PLEKHG1: variants seen among roughly 807,000 people sequenced by gnomAD.
PLEKHG1 encodes the protein pleckstrin homology and RhoGEF domain containing G1.
A neutral mutation model predicts 100.8 loss-of-function variants in PLEKHG1; 44 were observed. That is an observed-to-expected ratio of 0.44 (90% CI 0.34 to 0.56). PLEKHG1 has a LOEUF of 0.56. PLEKHG1 is among the 20% of genes least tolerant of loss of function. PLEKHG1 has a pLI of 0.01. For missense variants in PLEKHG1, 1,545 were observed against 1,720.9 expected, an observed-to-expected ratio of 0.90 and a Z score of 1.81; for synonymous variants, 640 against 662.5, an observed-to-expected ratio of 0.97 and a Z score of 0.52.
At chr6:150,837,511 T>C (rs1469834024) in intron 15 of PLEKHG1, among the ~76,000 whole-genome samples, 1 of 152,264 alleles carries the variant, frequency 6.6e-6, no homozygotes, top group African/African-American at 2.4e-5. Flanking sequence ...TGGTTAAATT[T>C]TGATACTGGA....
At chr6:150,709,060 G>T (rs1277503630) in intron 3 of PLEKHG1, among the ~76,000 whole-genome samples, 1 of 152,188 alleles carries the variant, frequency 6.6e-6, no homozygotes, top group African/African-American at 2.4e-5. Context: ...AGGGCTGGGC[G>T]CGGTGGCTCA....
chr6:150,629,870 T>G (rs752623879), intron 1 of PLEKHG1, among the ~76,000 whole-genome samples: 1 of 152,262 alleles, frequency 6.6e-6, no homozygotes, highest in Non-Finnish European at 1.5e-5. Flanking sequence ...CTTTGAACTT[T>G]CATACTTTGA....
intron 2 of PLEKHG1, among the ~76,000 whole-genome samples, chr6:150,742,550 G>A (rs1056992624): frequency 3.7e-5 from 4 of 107,622 alleles, no homozygotes; most frequent in African/African-American, 7.5e-5. Context: ...AGGCAATAGA[G>A]TGAGACTCCA....
At chr6:150,695,228 T>G (rs989180149) in intron 3 of PLEKHG1, among the ~76,000 whole-genome samples, 2 of 152,252 alleles carry the variant, frequency 1.3e-5, no homozygotes, top group African/African-American at 4.8e-5. Flanking sequence ...GCTCAATGGT[T>G]TGTGCTTCTA....
intron 3 of PLEKHG1, among the ~76,000 whole-genome samples, chr6:150,700,424 G>A (rs1272829541): frequency 6.6e-6 from 1 of 151,812 alleles, no homozygotes; most frequent in Non-Finnish European, 1.5e-5. Flanking sequence ...CCAGCAGTCT[G>A]TGTCTTAGCA....
intron 3 of PLEKHG1, among the ~76,000 whole-genome samples, chr6:150,655,707 C>CAAAAAAAAAA (rs775753925): frequency 7.8e-5 from 3 of 38,354 alleles, no homozygotes; most frequent in Non-Finnish European, 1.1e-4. Flanking sequence ...GACTCCATCT[C>CAAAAAAAAAA]AAAAAAAAAA....
chr6:150,719,207 C>CA (rs1217350353), upstream of PLEKHG1, among the ~76,000 whole-genome samples: 2 of 152,100 alleles, frequency 1.3e-5, no homozygotes, highest in African/African-American at 4.8e-5. Context: ...CATCCACACA[C>CA]ACAGCAACTT....
intron 1 of PLEKHG1, among the ~76,000 whole-genome samples, chr6:150,610,292 G>C (rs1204600131): frequency 1.3e-5 from 2 of 152,134 alleles, no homozygotes; most frequent in East Asian, 1.9e-4. Context: ...AGTGGAGATG[G>C]GGTTTCACCA....
At chr6:150,725,244 C>T (rs1292965336) in intron 1 of PLEKHG1, among the ~76,000 whole-genome samples, 1 of 152,144 alleles carries the variant, frequency 6.6e-6, no homozygotes, top group Non-Finnish European at 1.5e-5. Flanking sequence ...GCATTAATCT[C>T]ATTCATGAGG....
At chr6:150,705,502 C>T (rs950647702) in intron 3 of PLEKHG1, among the ~76,000 whole-genome samples, 5 of 152,240 alleles carry the variant, frequency 3.3e-5, no homozygotes, top group East Asian at 1.9e-4. Context: ...CCACTGCCCA[C>T]GCACAGGGCC....
chr6:150,689,607 A>G (rs1194351379), intron 3 of PLEKHG1, among the ~76,000 whole-genome samples: 2 of 152,184 alleles, frequency 1.3e-5, no homozygotes, highest in Admixed American at 6.5e-5. Flanking sequence ...TCATGCCTGT[A>G]ATTCCGGCAC....
At chr6:150,789,215 C>G (rs536027641) in intron 4 of PLEKHG1, among the ~76,000 whole-genome samples, 2 of 152,280 alleles carry the variant, frequency 1.3e-5, no homozygotes, top group South Asian at 4.1e-4. Flanking sequence ...TTAAATGTCT[C>G]ATTTCTATGT....
intron 1 of PLEKHG1, among the ~76,000 whole-genome samples, chr6:150,731,745 C>G (rs916839009): frequency 2.6e-5 from 4 of 152,214 alleles, no homozygotes; most frequent in African/African-American, 9.6e-5. Flanking sequence ...TAATCACCTT[C>G]TCTATCACAA....
intron 10 of PLEKHG1, among the ~76,000 whole-genome samples, chr6:150,814,927 C>T (rs1787774706): frequency 6.6e-6 from 1 of 152,134 alleles, no homozygotes; most frequent in Non-Finnish European, 1.5e-5. Flanking sequence ...ACCATGTTGG[C>T]CAGGCTGGTC....
intron 10 of PLEKHG1, among the ~76,000 whole-genome samples, chr6:150,813,688 C>T (rs1434700702): frequency 3.9e-5 from 6 of 152,062 alleles, no homozygotes; most frequent in African/African-American, 7.2e-5. Context: ...AAGGAAATAC[C>T]CTAATCTGTA....
intron 3 of PLEKHG1, among the ~76,000 whole-genome samples, chr6:150,656,161 G>A (rs987733215): frequency 1.3e-5 from 2 of 152,064 alleles, no homozygotes; most frequent in Non-Finnish European, 2.9e-5. Flanking sequence ...ACCTTAAGGT[G>A]GTATAGGGAC....
chr6:150,752,696 C>T (rs1309875681), intron 2 of PLEKHG1, among the ~76,000 whole-genome samples: 2 of 152,182 alleles, frequency 1.3e-5, no homozygotes, highest in Non-Finnish European at 1.5e-5. Flanking sequence ...GGTAAGATGA[C>T]ACTTTATAAA....
Position 150,769,754 on chromosome 6 carries a change from T to A in PLEKHG1, c.512+1016T>A, listed in dbSNP as rs182557124. On this transcript the variant is annotated intron_variant, in intron 3 of 15. Transcript: ENST00000358517. ...GGAATGAAACTAACTAACCCCTGTA[T>A]GTCAAGTCTTTACTCAAATCCTTCT... Among the ~76,000 whole-genome samples, 138 of 152,326 alleles carry A rather than the reference T, an allele frequency of 9.1e-4. 4 individuals carry two copies. Among genetic ancestry groups the A allele is most frequent in the Admixed American group, 7.8e-3 (119 of 15,292 alleles).
At chr6:150,833,938 A>T (rs1402109411) in intron 15 of PLEKHG1, among the ~76,000 whole-genome samples, 1 of 152,200 alleles carries the variant, frequency 6.6e-6, no homozygotes, top group Non-Finnish European at 1.5e-5. Flanking sequence ...CATCCATGGA[A>T]ACTGAAGAAT....
Sources: gnomAD v4.1 joint callset for allele counts (sites outside exome capture counted in the v4.1 genomes callset) on GRCh38, gnomAD v4.1.1 for gene constraint, MANE v1.5 for transcripts, NCBI Gene and HGNC (gene_info 2026-07-23, HGNC 2026-07-21) for gene names.